Variants in PCDHGB7 observed in about 807,000 individuals in gnomAD.
PCDHGB7 encodes protocadherin gamma subfamily B, 7, also known as protocadherin gamma-B7.
In PCDHGB7, 37 loss-of-function variants were observed where a neutral mutation model predicts 61.4. The observed-to-expected ratio is 0.60, with a 90% CI of 0.46 to 0.79. PCDHGB7 has a LOEUF of 0.79. PCDHGB7 is among the 30% of genes least tolerant of loss of function. PCDHGB7 has a pLI of 0.00. For missense variants in PCDHGB7, 1,166 were observed against 1,202.5 expected (o/e 0.97, Z 0.45); for synonymous variants, 464 against 503.5 (o/e 0.92, Z 1.05).
chr5:141,486,287 A>G lies in PCDHGB7; in HGVS notation c.2416-8520A>G, dbSNP rs1484787777. Reference sequence around the variant, plus strand: ...AGAACCTGGCACTGTGGTGGCACTTATCAGTGTGCAGGATCCAGACTCAGG... The same window carrying G: ...AGAACCTGGCACTGTGGTGGCACTTGTCAGTGTGCAGGATCCAGACTCAGG... On this transcript the variant is annotated intron_variant, in intron 1 of 3. Transcript: ENST00000398594. The surrounding 1 kb of genome is among the most constrained non-coding windows in gnomAD (Gnocchi z 5.0). 1 of 1,613,912 alleles carries G rather than the reference A, an allele frequency of 6.2e-7. No homozygotes were observed. The highest frequency in any genetic ancestry group is 8.5e-7 in the Non-Finnish European group (1 of 1,179,970).
chr5:141,423,116 C>T (rs374000303), intron 1 of PCDHGB7: 210 of 1,613,682 alleles, frequency 1.3e-4, no homozygotes, highest in Middle Eastern at 4.9e-4. Context: ...GTGCGTACAG[C>T]GCGGGCACTG....
At chr5:141,478,717 C>T (rs1381812771) in intron 1 of PCDHGB7, 1 of 1,545,032 alleles carries the variant, frequency 6.5e-7, no homozygotes, top group South Asian at 1.2e-5. Context: ...GAGATGGTGG[C>T]CTGCCAGAGT....
rs150106838 is a variant in PCDHGB7, at chr5:141,503,886, T to C, written c.2475-1507T>C. On this transcript the variant is annotated intron_variant, in intron 2 of 3. Coordinates refer to ENST00000398594, the MANE Select transcript of PCDHGB7 (RefSeq NM_018927.4). Reference sequence around the variant, plus strand: ...AGTTCTTGGTTGTGCTCACCCACCATGACAAAATATGCACACACACAACGC... The same window carrying C: ...AGTTCTTGGTTGTGCTCACCCACCACGACAAAATATGCACACACACAACGC... Among the ~76,000 whole-genome samples, 20 of 152,290 alleles carry C rather than the reference T, an allele frequency of 1.3e-4. No individual in the cohort carries two copies. The South Asian group carries it at 3.9e-3, about 30-fold the overall frequency.
rs1004089667 is a variant in PCDHGB7, at chr5:141,497,399, C to G, written c.2474+2534C>G. The stretch of plus-strand genomic sequence containing the variant: ...TGGGGTGAGCACCTTACCCCTGCCT[C>G]AACTCCCATTCCATCAAATGAGAGG... On this transcript the variant is annotated intron_variant, in intron 2 of 3. Coordinates refer to ENST00000398594, the MANE Select transcript of PCDHGB7 (RefSeq NM_018927.4). Among the ~76,000 whole-genome samples the G allele has an allele frequency of 5.9e-5, 9 of 152,146 alleles. 1 individual carries two copies. The highest frequency in any genetic ancestry group is 1.2e-4 in the Non-Finnish European group (8 of 68,034).
chr5:141,481,901 G>A (rs1297925755), intron 1 of PCDHGB7, among the ~76,000 whole-genome samples: 2 of 125,298 alleles, frequency 1.6e-5, no homozygotes, highest in Non-Finnish European at 3.2e-5. Context: ...GTGAAAGAGC[G>A]AAACTCCATC....
In PCDHGB7 at chr5:141,511,580, G is replaced by A. The variant is rs1436011320; in HGVS notation, c.*407G>A. ...CTCTTTCCCGAGTAAGGTGGTTGGG[G>A]TGTTGAAGTACCAAGTAACCTACAA... On this transcript the variant is annotated 3_prime_UTR_variant, in exon 4 of 4. Coordinates refer to ENST00000398594, the MANE Select transcript of PCDHGB7 (RefSeq NM_018927.4). 2 of 282,206 alleles carry A rather than the reference G, an allele frequency of 7.1e-6. No individual in the cohort carries two copies. Among genetic ancestry groups the A allele is most frequent in the Admixed American group, 4.6e-5 (1 of 21,516 alleles). The allele number at this position is 282,206 out of a possible 1,614,324, so 17.5% of individuals were successfully genotyped here.
In PCDHGB7 at chr5:141,443,822, A is replaced by G. The variant is rs183934410; in HGVS notation, c.2415+23548A>G. ...GAAACAGTTACCTTTGGAAAACATAATTAGGTAAAATGGGTAATATGGAAA... is the reference window on the plus strand; with the variant it reads ...GAAACAGTTACCTTTGGAAAACATAGTTAGGTAAAATGGGTAATATGGAAA... On this transcript the variant is annotated intron_variant, in intron 1 of 3. Coordinates refer to ENST00000398594, the MANE Select transcript of PCDHGB7 (RefSeq NM_018927.4). Among the ~76,000 whole-genome samples, 330 of 152,316 alleles carry G rather than the reference A, an allele frequency of 2.2e-3. 2 individuals carry two copies. Among genetic ancestry groups the G allele is most frequent in the Non-Finnish European group, 4.1e-3 (279 of 68,018 alleles).
intron 1 of PCDHGB7, among the ~76,000 whole-genome samples, chr5:141,447,339 A>T (rs767342137): frequency 6.6e-6 from 1 of 151,770 alleles, no homozygotes; most frequent in Non-Finnish European, 1.5e-5. Flanking sequence ...GGGTTTCATC[A>T]TATTGGTCAG....
intron 2 of PCDHGB7, among the ~76,000 whole-genome samples, chr5:141,496,628 C>T (rs928402582): frequency 2.0e-5 from 3 of 152,212 alleles, no homozygotes; most frequent in Non-Finnish European, 2.9e-5. Flanking sequence ...GATCAAAAGG[C>T]TTGGGCTGCC....
At chr5:141,501,755 G>C (rs2099810889) in intron 2 of PCDHGB7, among the ~76,000 whole-genome samples, 1 of 152,116 alleles carries the variant, frequency 6.6e-6, no homozygotes, top group Non-Finnish European at 1.5e-5. Context: ...GAAGCTCTCA[G>C]TAAATGGTTA....
At chr5:141,508,483 G>T (rs1186425031) in intron 3 of PCDHGB7, among the ~76,000 whole-genome samples, 2 of 152,154 alleles carry the variant, frequency 1.3e-5, no homozygotes, top group East Asian at 3.9e-4. Context: ...TTACATTCTG[G>T]ATTTCCATAT....
intron 1 of PCDHGB7, among the ~76,000 whole-genome samples, chr5:141,420,793 T>C (rs1400287885): frequency 6.6e-6 from 1 of 152,268 alleles, no homozygotes; most frequent in Non-Finnish European, 1.5e-5. Flanking sequence ...TGAAAACTTT[T>C]TAAAAATTAA....
At chr5:141,427,880 C>G in intron 1 of PCDHGB7, 5 of 1,563,170 alleles carry the variant, frequency 3.2e-6, no homozygotes, top group Non-Finnish European at 3.5e-6. Context: ...CGATGCAGGC[C>G]CACGACCAGG....
chr5:141,509,233 AG>A (rs1204393769), intron 3 of PCDHGB7, among the ~76,000 whole-genome samples: 1 of 152,104 alleles, frequency 6.6e-6, no homozygotes, highest in Non-Finnish European at 1.5e-5. Context: ...TTGATGTCCC[AG>A]GATTACTCAG....
chr5:141,451,676 G>C (rs1363843426), intron 1 of PCDHGB7, among the ~76,000 whole-genome samples: 1 of 152,142 alleles, frequency 6.6e-6, no homozygotes, highest in African/African-American at 2.4e-5. Context: ...GAGCCCAGGA[G>C]TTCAAGACCA....
At chr5:141,509,551 C>T (rs2099877337) in intron 3 of PCDHGB7, among the ~76,000 whole-genome samples, 1 of 152,164 alleles carries the variant, frequency 6.6e-6, no homozygotes, top group South Asian at 2.1e-4. Context: ...CTCATTTAGT[C>T]CTCACAGCAG....
Position 141,431,260 on chromosome 5 carries a change from G to C in PCDHGB7, c.2415+10986G>C, listed in dbSNP as rs762250032. On this transcript the variant is annotated intron_variant, in intron 1 of 3. Coordinates refer to ENST00000398594, the MANE Select transcript of PCDHGB7 (RefSeq NM_018927.4). The surrounding 1 kb of genome is among the most constrained non-coding windows in gnomAD (Gnocchi z 4.8). The stretch of plus-strand genomic sequence containing the variant: ...ATCCGGATATCGGGAAGAACTCTCT[G>C]CAGAGCTACGAGCTCAGCCCGAACA... 6.2e-7 allele frequency: 1 copy of C among 1,614,170 alleles called. No homozygotes were observed. Among genetic ancestry groups the C allele is most frequent in the Non-Finnish European group, 8.5e-7 (1 of 1,180,052 alleles).
chr5:141,481,781 G>A (rs957054361), intron 1 of PCDHGB7, among the ~76,000 whole-genome samples: 3 of 151,998 alleles, frequency 2.0e-5, no homozygotes, highest in Admixed American at 6.6e-5. Context: ...GTGAAACCCC[G>A]TCTCTACTAA....
Position 141,511,508 on chromosome 5 carries a change from C to T in PCDHGB7, c.*335C>T, listed in dbSNP as rs1339517659. 7.8e-6 allele frequency: 3 copies of T among 385,970 alleles called. No individual in the cohort carries two copies. Among genetic ancestry groups the T allele is most frequent in the Non-Finnish European group, 1.5e-5 (3 of 206,164 alleles). The allele number at this position is 385,970 out of a possible 1,614,324, so 23.9% of individuals were successfully genotyped here. Reference sequence around the variant, plus strand: ...TCCTCCATCTTCCAAATCAATCAGGCCCATCCATCCCATGCCTCCCTCCTC... The same window carrying T: ...TCCTCCATCTTCCAAATCAATCAGGTCCATCCATCCCATGCCTCCCTCCTC... On this transcript the variant is annotated 3_prime_UTR_variant, in exon 4 of 4. Coordinates refer to ENST00000398594, the MANE Select transcript of PCDHGB7 (RefSeq NM_018927.4).
Sources: gnomAD v4.1 joint callset for allele counts (sites outside exome capture counted in the v4.1 genomes callset) on GRCh38, gnomAD v4.1.1 for gene constraint, Gnocchi (gnomAD v3.1) non-coding constraint, MANE v1.5 for transcripts, NCBI Gene and HGNC (gene_info 2026-07-23, HGNC 2026-07-21) for gene names.